The following ATL2 variants were observed in gnomAD, a reference collection of about 807,000 sequenced individuals.
ATL2 encodes the protein atlastin GTPase 2, also known as atlastin-2.
Under a neutral mutation model 73.9 loss-of-function variants are expected in ATL2, and 31 were observed. The ratio of observed to expected loss-of-function variants is 0.42; its 90% confidence interval spans 0.32 to 0.57. The LOEUF is 0.57. ATL2 is among the 20% of genes least tolerant of loss of function. The pLI is 0.14. For synonymous variants in ATL2, 291 were observed against 237.5 expected (o/e 1.23, Z -2.07); for missense variants, 738 against 702.6 (o/e 1.05, Z -0.57).
At chr2:38,337,485 CCAAAAAAAAAAAAA>C (rs1669432643) in intron 2 of ATL2, among the ~76,000 whole-genome samples, 1 of 18,312 alleles carries the variant, frequency 5.5e-5, no homozygotes, top group Non-Finnish European at 1.0e-4. Context: ...GACTCTGTCT[CCAAAAAAAAAAAAA>C]AAAAAAAAAA....
chr2:38,309,268 TCTTA>T, intron 9 of ATL2, 107 bp downstream of exon 9: 1 of 1,054,710 alleles, frequency 9.5e-7, no homozygotes, highest in South Asian at 2.0e-5. Flanking sequence ...AAATCACAAA[TCTTA>T]CTCTTTTTTG....
chr2:38,365,084 A>T (rs1321543194), intron 1 of ATL2, among the ~76,000 whole-genome samples: 1 of 151,676 alleles, frequency 6.6e-6, no homozygotes, highest in African/African-American at 2.4e-5. Flanking sequence ...TAAAGTATCA[A>T]GCCATAAAAG....
chr2:38,318,879 T>C lies in ATL2; in HGVS notation c.498+6A>G, dbSNP rs370752321. The C allele has an allele frequency of 4.0e-5, 65 of 1,610,090 alleles. No homozygotes were observed. Among genetic ancestry groups the C allele is most frequent in the Non-Finnish European group, 5.3e-5 (63 of 1,178,998 alleles). Reference sequence around the variant, plus strand: ...ACAGGGTAGAAAAGTATAAACAGAATTTTACTTTAGTTCCATTAGGTCTGT... The same window carrying C: ...ACAGGGTAGAAAAGTATAAACAGAACTTTACTTTAGTTCCATTAGGTCTGT... On this transcript the variant is annotated splice_donor_region_variant and intron_variant, in intron 3 of 12. Coordinates refer to ENST00000378954, the MANE Select transcript of ATL2 (RefSeq NM_001135673.4).
chr2:38,356,634 T>A (rs891301791), intron 1 of ATL2, among the ~76,000 whole-genome samples: 1 of 152,222 alleles, frequency 6.6e-6, no homozygotes, highest in Non-Finnish European at 1.5e-5. Flanking sequence ...TAGACATGTA[T>A]AAAAGTTGTT....
intron 1 of ATL2, among the ~76,000 whole-genome samples, chr2:38,374,227 G>A (rs1671842221): frequency 6.6e-6 from 1 of 152,284 alleles, no homozygotes; most frequent in South Asian, 2.1e-4. Context: ...GAAAGCCCTC[G>A]AGTGTTGTGT....
At chr2:38,365,134 TAC>T (rs541325892) in intron 1 of ATL2, among the ~76,000 whole-genome samples, 8,351 of 132,184 alleles carry the variant, frequency 0.063, 437 homozygotes, top group African/African-American at 0.15. Context: ...AAGGGAATCA[TAC>T]ACACACACAC....
rs538891899 is a variant in ATL2, at chr2:38,343,915, G to T, written c.119-403C>A. ...GCTCTCTTCTCATCTGCCACCATGT[G>T]AGATGTGCCTTTCACCTTCCGCCAT... On this transcript the variant is annotated intron_variant, in intron 1 of 12. Coordinates refer to ENST00000378954, the MANE Select transcript of ATL2 (RefSeq NM_001135673.4). Among the ~76,000 whole-genome samples the T allele has an allele frequency of 1.2e-4, 18 of 152,240 alleles. No individual in the cohort carries two copies. In the East Asian group the frequency reaches 3.5e-3, roughly 29 times the overall value.
intron 9 of ATL2, among the ~76,000 whole-genome samples, chr2:38,305,078 C>CA (rs368555876): frequency 0.1 from 15,198 of 148,628 alleles, 2,524 homozygotes; most frequent in African/African-American, 0.35. Flanking sequence ...AAATGGAAAC[C>CA]AAAAAAAAAG....
intron 1 of ATL2, among the ~76,000 whole-genome samples, chr2:38,344,630 T>A (rs1281077960): frequency 6.6e-6 from 1 of 151,944 alleles, no homozygotes; most frequent in African/African-American, 2.4e-5. Context: ...CAAAAAAAAA[T>A]TATTCATGTT....
At chr2:38,304,247 G>A (rs1235228425) in intron 9 of ATL2, among the ~76,000 whole-genome samples, 1 of 152,156 alleles carries the variant, frequency 6.6e-6, no homozygotes, top group Non-Finnish European at 1.5e-5. Flanking sequence ...AGAGTAGCAT[G>A]ACATAAAGTG....
chr2:38,370,150 C>CA (rs962952444), intron 1 of ATL2, among the ~76,000 whole-genome samples: 666 of 43,754 alleles, frequency 0.015, 8 homozygotes, highest in East Asian at 0.019. Flanking sequence ...GAGACTCCGT[C>CA]AAAAAAAAAA....
chr2:38,323,444 C>T (rs1668436458), intron 2 of ATL2, among the ~76,000 whole-genome samples: 1 of 147,978 alleles, frequency 6.8e-6, no homozygotes, highest in Non-Finnish European at 1.5e-5. Context: ...AATCCTCCCA[C>T]CTCAGCACCT....
upstream of ATL2, chr2:38,377,287 C>T (rs749990719): frequency 4.6e-6 from 7 of 1,516,880 alleles, no homozygotes; most frequent in African/African-American, 7.1e-5. Flanking sequence ...ATTAACTCCC[C>T]ACTGACGTCA....
intron 1 of ATL2, among the ~76,000 whole-genome samples, chr2:38,354,919 G>T (rs568844424): frequency 1.1e-4 from 16 of 151,720 alleles, no homozygotes; most frequent in Non-Finnish European, 2.2e-4. Context: ...AAGCCAATAA[G>T]AAACCAAAAT....
chr2:38,308,453 C>T (rs1667571947), intron 9 of ATL2, among the ~76,000 whole-genome samples: 1 of 151,556 alleles, frequency 6.6e-6, no homozygotes, highest in Non-Finnish European at 1.5e-5. Flanking sequence ...TTACTAGAGT[C>T]TAGGAAAGGT....
rs1667016925 is a variant in ATL2 at position 38,298,424 on chromosome 2, T to C, written c.1352A>G (p.Glu451Gly). 6.2e-7 allele frequency: 1 copy of C among 1,614,220 alleles called. No individual in the cohort carries two copies. The highest frequency in any genetic ancestry group is 1.3e-5 in the African/African-American group (1 of 75,072). Residue 451 changes from glutamate to glycine, a missense_variant, in exon 12 of 13, where the codon GAA becomes GGA. Transcript: ENST00000378954. ...CRRYQDQLEA[E>G]IEETYANFIK... is the part of the protein sequence containing the mutation. ...AAAATTTGCATAGGTTTCTTCAATT[T>C]CAGCTTCAAGCTGGTCCTGATAACG...
Position 38,372,228 on chromosome 2 carries a change from C to G in ATL2, c.118+4915G>C, listed in dbSNP as rs138397113. ...GCACTATACAGTCAAGTCAGCCCTC[C>G]ATATCTATGGGTTCTACATCCATGA... On this transcript the variant is annotated intron_variant, in intron 1 of 12. Transcript: ENST00000378954. Among the ~76,000 whole-genome samples the G allele has an allele frequency of 8.4e-4, 128 of 151,510 alleles. 1 individual carries two copies. The highest frequency in any genetic ancestry group is 3.0e-3 in the African/African-American group (125 of 41,290).
At chr2:38,336,343 A>G (rs937903049) in intron 2 of ATL2, among the ~76,000 whole-genome samples, 1 of 152,250 alleles carries the variant, frequency 6.6e-6, no homozygotes, top group Admixed American at 6.5e-5. Flanking sequence ...TTAAATAGCA[A>G]AGAATAAAAA....
intron 2 of ATL2, 27 bp downstream of exon 2, chr2:38,343,241 T>C (rs1289333907): frequency 2.6e-6 from 4 of 1,547,522 alleles, no homozygotes; most frequent in South Asian, 1.3e-5. Flanking sequence ...TTCTTTTTAA[T>C]TGGGTTCAAT....
Sources: gnomAD v4.1 joint callset for allele counts (sites outside exome capture counted in the v4.1 genomes callset) on GRCh38, gnomAD v4.1.1 for gene constraint, MANE v1.5 for transcripts, NCBI Gene and HGNC (gene_info 2026-07-23, HGNC 2026-07-21) for gene names.